SALL2: variants seen among roughly 807,000 people sequenced by gnomAD.
SALL2 encodes the protein spalt like transcription factor 2, also known as sal-like protein 2.
In SALL2, 32 loss-of-function variants were observed where a neutral mutation model predicts 58.5. The observed-to-expected ratio is 0.55, with a 90% CI of 0.41 to 0.74. The LOEUF (loss-of-function observed/expected upper bound fraction) is 0.74, where lower values mean the gene tolerates loss of function less well. Among genes scored for constraint, SALL2 ranks in the 30% least tolerant of loss-of-function variants. The pLI, the probability that SALL2 is intolerant of heterozygous loss-of-function variation, is 0.00. For synonymous variants in SALL2, 516 were observed against 513.6 expected (o/e 1.00, Z -0.06); for missense variants, 1,201 against 1,268.9 (o/e 0.95, Z 0.81).
Position 21,522,146 on chromosome 14 carries a change from C to T in SALL2, c.*558G>A. 6.3e-7 allele frequency: 1 copy of T among 1,598,006 alleles called. No homozygotes were observed. The highest frequency in any genetic ancestry group is 8.5e-7 in the Non-Finnish European group (1 of 1,179,700). On this transcript the variant is annotated 3_prime_UTR_variant, in exon 2 of 2. Coordinates refer to ENST00000537235, the MANE Select transcript of SALL2 (RefSeq NM_001364564.1). The stretch of plus-strand genomic sequence containing the variant: ...TCCCAGCCACAGTTCCTAGGCCAAA[C>T]AGCACTGGTGGGGCCAGGCTTGGAG...
chr14:21,535,202 C>G (rs983713094), intron 1 of SALL2, among the ~76,000 whole-genome samples: 18 of 151,708 alleles, frequency 1.2e-4, no homozygotes, highest in South Asian at 2.1e-4. Flanking sequence ...AAAATTAGCC[C>G]GGCGTGGTGG....
chr14:21,524,127 G>A lies in SALL2; in HGVS notation c.1595C>T (p.Ser532Leu), dbSNP rs781290585. Residue 532 changes from serine (S) to leucine (L), a missense_variant, in exon 2 of 2, where the codon TCA becomes TTA. By Grantham distance (145) the Ser-to-Leu change is moderately radical. Transcript: ENST00000537235. Reference sequence around the variant, plus strand: ...ACTTTCTGCCACTCCACTGATGGCTGAGCCCTCACTCCCTGGGGGGGTGTT... The same window carrying A: ...ACTTTCTGCCACTCCACTGATGGCTAAGCCCTCACTCCCTGGGGGGGTGTT... ...DENTPPGSEG[S>L]AISGVAESST... 16 of 1,613,304 alleles carry A rather than the reference G, an allele frequency of 9.9e-6. No homozygotes were observed. Among genetic ancestry groups the A allele is most frequent in the Non-Finnish European group, 1.3e-5 (15 of 1,179,610 alleles).
intron 1 of SALL2, among the ~76,000 whole-genome samples, chr14:21,534,424 G>A (rs1200059760): frequency 2.0e-5 from 3 of 152,104 alleles, no homozygotes; most frequent in Non-Finnish European, 4.4e-5. Context: ...ATTTGTTGAT[G>A]CCATTGGGTT....
At chr14:21,527,090 C>A (rs1246451504), upstream of SALL2, among the ~76,000 whole-genome samples, 2 of 152,186 alleles carry the variant, frequency 1.3e-5, no homozygotes, top group Non-Finnish European at 2.9e-5. Context: ...CCCTCTTCCT[C>A]CTCTATTCTC....
intron 1 of SALL2, among the ~76,000 whole-genome samples, chr14:21,534,390 C>T (rs1284436443): frequency 1.3e-5 from 2 of 152,112 alleles, no homozygotes; most frequent in South Asian, 2.1e-4. Context: ...CCTTTCATAG[C>T]TCAAAGGCAA....
upstream of SALL2, chr14:21,526,542 TCCC>T: frequency 9.1e-7 from 1 of 1,098,904 alleles, no homozygotes. Flanking sequence ...CCTGGCCAGC[TCCC>T]CCCATCTGCA....
chr14:21,531,432 G>A (rs7147108), intron 1 of SALL2, among the ~76,000 whole-genome samples: 48,484 of 151,962 alleles, frequency 0.32, 8,562 homozygotes, highest in Middle Eastern at 0.46. Context: ...TTGGGACAGA[G>A]TTTCACTCTT....
chr14:21,522,757 T>C lies in SALL2; in HGVS notation c.2965A>G (p.Thr989Ala). The change falls in exon 2 of 2, where the codon ACC (threonine) becomes GCC (alanine). Residue 989 changes from threonine to alanine, a missense_variant. Physicochemically the swap from Thr to Ala is moderately conservative, Grantham distance 58 (BLOSUM62 0). This residue lies in a region of SALL2 where 675 missense variants were observed against 683.8 expected (regional missense o/e 0.99). Transcript: ENST00000537235. ...SLVPGCSPSI[T>A]STGLSPFPRK... ...GGAAAGGGGGAGAGCCCTGTGGAGGTGATGGAAGGCGAACAGCCAGGGACT... is the reference window on the plus strand; with the variant it reads ...GGAAAGGGGGAGAGCCCTGTGGAGGCGATGGAAGGCGAACAGCCAGGGACT... The C allele has an allele frequency of 6.4e-7, 1 of 1,560,734 alleles. No individual in the cohort carries two copies. Among genetic ancestry groups the C allele is most frequent in the South Asian group, 1.2e-5 (1 of 80,478 alleles).
Position 21,524,693 on chromosome 14 carries a change from T to G in SALL2, c.1029A>C (p.Pro343=). 1 of 1,614,004 alleles carries G rather than the reference T, an allele frequency of 6.2e-7. No individual in the cohort carries two copies. The highest frequency in any genetic ancestry group is 8.5e-7 in the Non-Finnish European group (1 of 1,180,014). The change falls in exon 2 of 2, where the codon CCA becomes CCC. Residue 343 remains proline (P), a synonymous_variant. Coordinates refer to ENST00000537235, the MANE Select transcript of SALL2 (RefSeq NM_001364564.1). The part of the protein sequence containing the change: ...AARGLEATAS[P]GLLKPKNGSG... ...TTCCATTCTTTGGCTTCAGGAGCCCTGGGGAGGCAGTGGCCTCAAGGCCTC... is the reference window on the plus strand; with the variant it reads ...TTCCATTCTTTGGCTTCAGGAGCCCGGGGGAGGCAGTGGCCTCAAGGCCTC...
Position 21,524,148 on chromosome 14 carries a change from G to C in SALL2, c.1574C>G (p.Thr525Ser). 2 of 1,612,724 alleles carry C rather than the reference G, an allele frequency of 1.2e-6. No homozygotes were observed. The highest frequency in any genetic ancestry group is 1.7e-6 in the Non-Finnish European group (2 of 1,179,302). The stretch of plus-strand genomic sequence containing the variant: ...GGCTGAGCCCTCACTCCCTGGGGGG[G>C]TGTTTTCATCAGCTTTATTCTTGGG... ...VEPKNKADEN[T>S]PPGSEGSAIS... Residue 525 changes from threonine to serine, a missense_variant, in exon 2 of 2, where the codon ACC becomes AGC. Physicochemically the swap from Thr to Ser is moderately conservative, Grantham distance 58. Transcript: ENST00000537235.
exon 1 of SALL2, chr14:21,537,098 A>G: frequency 1.7e-6 from 1 of 600,948 alleles, no homozygotes. Flanking sequence ...TCTCTCTCTG[A>G]TTCTCTGTTC....
intron 1 of SALL2, chr14:21,536,950 G>C: frequency 6.2e-7 from 1 of 1,606,024 alleles, no homozygotes; most frequent in African/African-American, 1.3e-5. Context: ...GAGAGGGAGG[G>C]GCAACGCTCA....
upstream of SALL2, chr14:21,526,533 C>T: frequency 8.9e-7 from 1 of 1,129,296 alleles, no homozygotes; most frequent in South Asian, 2.3e-5. Context: ...TTCCCGGTCC[C>T]TGGCCAGCTC....
Position 21,523,798 on chromosome 14 carries a change from G to A in SALL2, c.1924C>T (p.Arg642Trp), listed in dbSNP as rs761750926. ...VICLRVLSCP[R>W]ALRLHYGQHG... ...TGGCCATAATGAAGGCGTAGGGCCC[G>A]AGGACAGCTAAGCACTCGGAGACAG... The change falls in exon 2 of 2, where the codon CGG (arginine) becomes TGG (tryptophan). Residue 642 changes from arginine (R) to tryptophan (W), a missense_variant. Physicochemically the swap from Arg to Trp is moderately radical, Grantham distance 101. Around this residue, in one of 3 missense-constraint regions of SALL2, gnomAD observed 675 missense variants for 683.8 expected, o/e 0.99. Coordinates refer to ENST00000537235, the MANE Select transcript of SALL2 (RefSeq NM_001364564.1). The surrounding 1 kb of genome is among the most constrained non-coding windows in gnomAD (Gnocchi z 4.4). 51 of 1,614,068 alleles carry A rather than the reference G, an allele frequency of 3.2e-5. No individual in the cohort carries two copies. The highest frequency in any genetic ancestry group is 3.7e-5 in the Non-Finnish European group (44 of 1,180,046).
chr14:21,526,531 CCCT>C, upstream of SALL2: 1 of 1,130,628 alleles, frequency 8.8e-7, no homozygotes, highest in Non-Finnish European at 1.1e-6. Flanking sequence ...CTTTCCCGGT[CCCT>C]GGCCAGCTCC....
chr14:21,536,859 C>T (rs1372180419), intron 1 of SALL2: 2 of 1,613,976 alleles, frequency 1.2e-6, no homozygotes, highest in Non-Finnish European at 1.7e-6. Context: ...CGTTCTCAGA[C>T]GCGCTGGGAC....
At chr14:21,535,430 T>C (rs953884196) in intron 1 of SALL2, among the ~76,000 whole-genome samples, 1 of 152,008 alleles carries the variant, frequency 6.6e-6, no homozygotes, top group Non-Finnish European at 1.5e-5. Context: ...TGAGTTTTGG[T>C]CATACTACAG....
In SALL2 at chr14:21,521,100, T is replaced by C. The variant is rs1263997331; in HGVS notation, c.*1604A>G. 6.6e-6 allele frequency: 1 copy of C among 152,208 alleles called. No homozygotes were observed. The highest frequency in any genetic ancestry group is 1.5e-5 in the Non-Finnish European group (1 of 68,040). 9.4% of individuals were successfully genotyped at this position (152,208 alleles called of 1,614,324 possible). On this transcript the variant is annotated 3_prime_UTR_variant, in exon 2 of 2. Coordinates refer to ENST00000537235, the MANE Select transcript of SALL2 (RefSeq NM_001364564.1). ...AAATATTTGGTTAAAACACCTTTAATGATAGAGGGAAAGACACTAATATCT... is the reference window on the plus strand; with the variant it reads ...AAATATTTGGTTAAAACACCTTTAACGATAGAGGGAAAGACACTAATATCT...
chr14:21,522,301 G>A lies in SALL2; in HGVS notation c.*403C>T, dbSNP rs994949205. ...TGAGCAGAAAGGTCACCCCAGAGGA[G>A]TGGCACTGGGCCCTCCAGAGACAGC... On this transcript the variant is annotated 3_prime_UTR_variant, in exon 2 of 2. Coordinates refer to ENST00000537235, the MANE Select transcript of SALL2 (RefSeq NM_001364564.1). The A allele has an allele frequency of 1.3e-6, 2 of 1,515,842 alleles. No homozygotes were observed. The highest frequency in any genetic ancestry group is 1.8e-6 in the Non-Finnish European group (2 of 1,133,228). The allele number at this position is 1,515,842 out of a possible 1,614,324, so 93.9% of individuals were successfully genotyped here.
Sources: allele counts gnomAD v4.1 joint callset (sites outside exome capture counted in the v4.1 genomes callset), GRCh38; gene constraint gnomAD v4.1.1; regional missense constraint gnomAD v4.1.1; non-coding constraint Gnocchi (gnomAD v3.1); transcripts MANE v1.5; gene names NCBI Gene and HGNC (gene_info 2026-07-23, HGNC 2026-07-21).